The following GRIN3A variants were observed in gnomAD, a reference collection of about 807,000 sequenced individuals.
GRIN3A encodes glutamate receptor ionotropic, NMDA 3A.
GRIN3A carries 47 observed loss-of-function variants against 92.4 expected under a neutral mutation model. That is an observed-to-expected ratio of 0.51 (90% CI 0.40 to 0.65). The LOEUF (loss-of-function observed/expected upper bound fraction) is 0.65. GRIN3A is among the 30% of genes least tolerant of loss of function. The pLI, the probability that GRIN3A is intolerant of heterozygous loss-of-function variation, is 0.00. For synonymous variants in GRIN3A, 527 were observed against 540.6 expected (o/e 0.97, Z 0.35); for missense variants, 1,324 against 1,393.1 (o/e 0.95, Z 0.79).
intron 6 of GRIN3A, among the ~76,000 whole-genome samples, chr9:101,586,010 C>A (rs1827946653): frequency 6.6e-6 from 1 of 152,152 alleles, no homozygotes; most frequent in South Asian, 2.1e-4. Context: ...CAACTTGCCA[C>A]TTGAGGGTAT....
chr9:101,594,218 G>A (rs889430445), intron 6 of GRIN3A: 13 of 685,350 alleles, frequency 1.9e-5, no homozygotes, highest in South Asian at 1.3e-4. Flanking sequence ...CCCCTATAGG[G>A]TACCCTGAGT....
chr9:101,697,250 C>T (rs1389385288), intron 1 of GRIN3A, among the ~76,000 whole-genome samples: 1 of 152,168 alleles, frequency 6.6e-6, no homozygotes. Context: ...GCTGCAATGA[C>T]ATTTTATTTC....
intron 8 of GRIN3A, among the ~76,000 whole-genome samples, chr9:101,575,281 C>T (rs1264623154): frequency 6.6e-6 from 1 of 152,178 alleles, no homozygotes; most frequent in Non-Finnish European, 1.5e-5. Context: ...GCTCCATTGG[C>T]TTTAGACCTG....
chr9:101,594,780 C>T lies in GRIN3A; in HGVS notation c.2767-15420G>A, dbSNP rs151333989. The T allele has an allele frequency of 4.2e-3, 6,836 of 1,613,840 alleles. 26 individuals are homozygous for T. The highest frequency in any genetic ancestry group is 4.9e-3 in the Non-Finnish European group (5,809 of 1,180,044). ...CGCACCAACGGGTTGTGGCGCAGCT[C>T]CGGCAGGGACATGAACTCCTCCACG... On this transcript the variant is annotated intron_variant, in intron 6 of 8. Transcript: ENST00000361820.
chr9:101,714,887 A>T lies in GRIN3A; in HGVS notation c.699+22394T>A, dbSNP rs1353960735. On this transcript the variant is annotated intron_variant, in intron 1 of 8. Coordinates refer to ENST00000361820, the MANE Select transcript of GRIN3A (RefSeq NM_133445.3). ...AAAAAGGTGATCTTCAAAGGGATAA[A>T]TGTAAATATCATGGGCTTCTCAGTT... 2.0e-5 allele frequency among the ~76,000 whole-genome samples: 3 copies of T among 152,206 alleles called. No individual in the cohort carries two copies. In the East Asian group the frequency reaches 5.8e-4, roughly 29 times the overall value.
Position 101,646,239 on chromosome 9 carries a change from G to T in GRIN3A, c.2353-17838C>A, listed in dbSNP as rs1828935607. ...GTAAGTCTTTAAACCATTTTGATTTGACTTTTGTATAATGTGAGAGATGGG... is the reference window on the plus strand; with the variant it reads ...GTAAGTCTTTAAACCATTTTGATTTTACTTTTGTATAATGTGAGAGATGGG... On this transcript the variant is annotated intron_variant, in intron 3 of 8. Transcript: ENST00000361820. Among the ~76,000 whole-genome samples, 2 of 151,686 alleles carry T rather than the reference G, an allele frequency of 1.3e-5. 1 individual carries two copies. Among genetic ancestry groups the T allele is most frequent in the South Asian group, 4.1e-4 (2 of 4,826 alleles).
At chr9:101,620,536 T>C (rs951092718) in intron 5 of GRIN3A, among the ~76,000 whole-genome samples, 4 of 152,190 alleles carry the variant, frequency 2.6e-5, no homozygotes, top group Non-Finnish European at 4.4e-5. Context: ...CATTGCACTC[T>C]GTTTTCTCTC....
At chr9:101,654,805 C>T (rs1293998735) in intron 3 of GRIN3A, among the ~76,000 whole-genome samples, 3 of 151,800 alleles carry the variant, frequency 2.0e-5, no homozygotes, top group Admixed American at 6.6e-5. Flanking sequence ...CATTCTTCAT[C>T]GTAACACTCA....
At chr9:101,721,637 T>A (rs1371786517) in intron 1 of GRIN3A, among the ~76,000 whole-genome samples, 2 of 152,180 alleles carry the variant, frequency 1.3e-5, no homozygotes, top group Admixed American at 6.5e-5. Context: ...AGGTCCAGGC[T>A]GAGGTGGTCT....
chr9:101,619,455 A>T (rs1185185629), intron 5 of GRIN3A, among the ~76,000 whole-genome samples: 2 of 152,224 alleles, frequency 1.3e-5, no homozygotes, highest in African/African-American at 4.8e-5. Flanking sequence ...ACTATATAAT[A>T]ATAATTTGTT....
chr9:101,702,606 T>C (rs981419531), intron 1 of GRIN3A, among the ~76,000 whole-genome samples: 1 of 152,210 alleles, frequency 6.6e-6, no homozygotes, highest in Non-Finnish European at 1.5e-5. Flanking sequence ...TCTTTGCCTC[T>C]CTTCTTATCT....
At chr9:101,594,038 T>C (rs1828072257) in intron 6 of GRIN3A, 1 of 188,660 alleles carries the variant, frequency 5.3e-6, no homozygotes, top group Non-Finnish European at 1.1e-5. Flanking sequence ...ATGCAAATTA[T>C]AAATTTCCTC....
At chr9:101,719,815 T>C (rs1167979919) in intron 1 of GRIN3A, among the ~76,000 whole-genome samples, 1 of 152,228 alleles carries the variant, frequency 6.6e-6, no homozygotes, top group Non-Finnish European at 1.5e-5. Flanking sequence ...GATGCAATCT[T>C]AAATCTTAAC....
intron 6 of GRIN3A, chr9:101,592,048 C>T (rs1278407591): frequency 3.3e-5 from 5 of 152,176 alleles, no homozygotes; most frequent in African/African-American, 1.2e-4. Context: ...ATGACATGTG[C>T]TCACTTCCTC....
intron 6 of GRIN3A, among the ~76,000 whole-genome samples, chr9:101,600,039 G>A (rs900321517): frequency 3.9e-5 from 6 of 152,122 alleles, no homozygotes; most frequent in Non-Finnish European, 8.8e-5. Flanking sequence ...GGCATGTATG[G>A]TTTTAAATCA....
intron 1 of GRIN3A, among the ~76,000 whole-genome samples, chr9:101,700,856 A>T (rs1272666407): frequency 1.3e-5 from 2 of 152,208 alleles, no homozygotes; most frequent in African/African-American, 4.8e-5. Context: ...AAATGTTAAG[A>T]GAAAGGAAAA....
chr9:101,577,306 G>A (rs545939895), intron 8 of GRIN3A, among the ~76,000 whole-genome samples: 11 of 152,104 alleles, frequency 7.2e-5, no homozygotes, highest in African/African-American at 2.6e-4. Flanking sequence ...AATTGCCTGC[G>A]GTATTCATTA....
chr9:101,670,667 T>C lies in GRIN3A; in HGVS notation c.1745A>G (p.Asp582Gly). 1 of 1,613,960 alleles carries C rather than the reference T, an allele frequency of 6.2e-7. No homozygotes were observed. ...GTCTTCTGCTATCTTTTCCAGCAGATCAATGCAATATCCATAGCAGCACTT... is the reference window on the plus strand; with the variant it reads ...GTCTTCTGCTATCTTTTCCAGCAGACCAATGCAATATCCATAGCAGCACTT... The part of the protein sequence containing the change: ...FKKCCYGYCI[D>G]LLEKIAEDMN... Residue 582 changes from aspartate to glycine, a missense_variant, in exon 3 of 9, where the codon GAT (aspartate) becomes GGT (glycine). By Grantham distance (94) the Asp-to-Gly change is moderately conservative. Transcript: ENST00000361820.
intron 2 of GRIN3A, among the ~76,000 whole-genome samples, chr9:101,675,508 C>G (rs1246199018): frequency 6.6e-6 from 1 of 152,012 alleles, no homozygotes; most frequent in Admixed American, 6.6e-5. Context: ...TTCCACAATA[C>G]TCACTATGTG....
Sources: gnomAD v4.1 joint callset for allele counts (sites outside exome capture counted in the v4.1 genomes callset) on GRCh38, gnomAD v4.1.1 for gene constraint, MANE v1.5 for transcripts, NCBI Gene and HGNC (gene_info 2026-07-23, HGNC 2026-07-21) for gene names.